The following RHCE variants were observed in gnomAD, a reference collection of about 807,000 sequenced individuals.
RHCE encodes the protein blood group Rh(CE) polypeptide.
RHCE carries 22 observed loss-of-function variants against 43.8 expected under a neutral mutation model. The ratio of observed to expected loss-of-function variants is 0.50; its 90% confidence interval spans 0.36 to 0.72. The LOEUF is 0.72. Ranked by LOEUF, RHCE falls within the 30% of genes least tolerant of loss-of-function variation. RHCE has a pLI of 0.00. For missense variants in RHCE, 385 were observed against 525.4 expected, an observed-to-expected ratio of 0.73 and a Z score of 2.61; for synonymous variants, 156 against 210.7, an observed-to-expected ratio of 0.74 and a Z score of 2.25.
chr1:25,400,141 A>G (rs1646686792), intron 3 of RHCE, among the ~76,000 whole-genome samples: 1 of 152,054 alleles, frequency 6.6e-6, no homozygotes, highest in Admixed American at 6.6e-5. Flanking sequence ...TTTCCTCTCT[A>G]TCGGATTATT....
At chr1:25,377,872 T>C (rs561331160) in intron 7 of RHCE, among the ~76,000 whole-genome samples, 1 of 152,288 alleles carries the variant, frequency 6.6e-6, no homozygotes, top group Non-Finnish European at 1.5e-5. Context: ...GCCACTGCAT[T>C]CCAGCCTGGG....
At chr1:25,427,757 T>C (rs1412604454) in intron 2 of RHCE, among the ~76,000 whole-genome samples, 1 of 152,260 alleles carries the variant, frequency 6.6e-6, no homozygotes, top group African/African-American at 2.4e-5. Context: ...TTGAGCTAGA[T>C]TGCTCTACCA....
upstream of RHCE, among the ~76,000 whole-genome samples, chr1:25,423,389 G>T (rs1275202922): frequency 6.6e-6 from 1 of 152,156 alleles, no homozygotes; most frequent in African/African-American, 2.4e-5. Context: ...AGATTTCCAG[G>T]CAATGCCAAC....
At chr1:25,412,270 C>T (rs1021034585) in intron 1 of RHCE, among the ~76,000 whole-genome samples, 1 of 152,212 alleles carries the variant, frequency 6.6e-6, no homozygotes, top group Admixed American at 6.5e-5. Flanking sequence ...CCATTACCCT[C>T]TTTAGGCCTC....
intron 1 of RHCE, among the ~76,000 whole-genome samples, 190 bp from the exon 2 acceptor site, chr1:25,409,059 C>T (rs1646997347): frequency 8.1e-6 from 1 of 123,194 alleles, no homozygotes; most frequent in African/African-American, 2.5e-5. Context: ...CATAACATGC[C>T]GTGTGGGGAT....
chr1:25,367,907 T>G (rs1645474887), intron 9 of RHCE, among the ~76,000 whole-genome samples: 1 of 150,112 alleles, frequency 6.7e-6, no homozygotes, highest in East Asian at 2.0e-4. Context: ...CTGGGGAGGT[T>G]GAGGCTACAG....
In RHCE at chr1:25,390,806, A is replaced by G. The variant is rs149352457; in HGVS notation, c.744T>C (p.Ser248=). 3.5e-4 allele frequency: 573 copies of G among 1,614,214 alleles called. 1 individual carries two copies. The highest frequency in any genetic ancestry group is 2.0e-3 in the Middle Eastern group (12 of 6,062). The change falls in exon 5 of 10, where the codon AGT becomes AGC. Residue 248 remains serine, a synonymous_variant. Coordinates refer to ENST00000294413, the MANE Select transcript of RHCE (RefSeq NM_020485.8). ...MFNTYYALAV[S]VVTAISGSSL... is the part of the protein sequence containing the mutation. ...ATGACCCTGAGATGGCTGTCACCAC[A>G]CTGACTGCTAGAGCATAGTAGGTGT...
intron 2 of RHCE, among the ~76,000 whole-genome samples, chr1:25,403,212 G>A (rs1162403082): frequency 1.3e-5 from 2 of 152,118 alleles, no homozygotes; most frequent in Non-Finnish European, 2.9e-5. Context: ...CTCCCTCTCC[G>A]TGGCAGTGGA....
intron 6 of RHCE, among the ~76,000 whole-genome samples, chr1:25,387,705 C>T (rs1028795715): frequency 2.0e-5 from 3 of 152,198 alleles, no homozygotes; most frequent in Non-Finnish European, 2.9e-5. Flanking sequence ...AGTATTGATA[C>T]GTTTTTCCTT....
chr1:25,402,698 A>G lies in RHCE; in HGVS notation c.384T>C (p.Gly128=). The change falls in exon 3 of 10, where the codon GGT becomes GGC. Residue 128 remains glycine, a synonymous_variant. Transcript: ENST00000294413. ...MSAMSVLISA[G]AVLGKVNLAQ... is the part of the protein sequence containing the mutation. ...CCAAGTTGACCTTCCCCAAGACAGC[A>G]CCCGCTGAGATCAGCACCGACATAG... 6.2e-7 allele frequency: 1 copy of G among 1,614,064 alleles called. No individual in the cohort carries two copies. The highest frequency in any genetic ancestry group is 8.5e-7 in the Non-Finnish European group (1 of 1,180,018).
intron 7 of RHCE, among the ~76,000 whole-genome samples, chr1:25,381,689 C>G (rs1197895367): frequency 1.3e-5 from 2 of 151,636 alleles, no homozygotes; most frequent in Non-Finnish European, 2.9e-5. Context: ...AACTCCTGAC[C>G]TCAGGTGATC....
At chr1:25,397,142 C>T (rs1432846630) in intron 3 of RHCE, among the ~76,000 whole-genome samples, 1 of 135,034 alleles carries the variant, frequency 7.4e-6, no homozygotes, top group South Asian at 2.3e-4. Flanking sequence ...AAGAAATGTA[C>T]ACTGAAGTAT....
At position 25,416,254 on chromosome 1, in the gene RHCE, T is replaced by C. The variant is rs541468366; in HGVS notation, c.148+4385A>G. ...CAACTAATGGCAGGGTTTTATGTTT[T>C]ATTTATTTTTATTTTCATTTTTTTT... On this transcript the variant is annotated intron_variant, in intron 1 of 9. Coordinates refer to ENST00000294413, the MANE Select transcript of RHCE (RefSeq NM_020485.8). Among the ~76,000 whole-genome samples the C allele has an allele frequency of 2.2e-4, 33 of 152,192 alleles. 1 individual carries two copies. The South Asian group carries it at 6.4e-3, about 30-fold the overall frequency.
At chr1:25,404,357 G>A (rs1646850698) in intron 2 of RHCE, among the ~76,000 whole-genome samples, 1 of 144,252 alleles carries the variant, frequency 6.9e-6, no homozygotes, top group Admixed American at 6.9e-5. Context: ...CTGAAGTCTG[G>A]ACTCAGCTTC....
At chr1:25,386,467 G>A (rs1646164809) in intron 6 of RHCE, among the ~76,000 whole-genome samples, 1 of 152,176 alleles carries the variant, frequency 6.6e-6, no homozygotes, top group African/African-American at 2.4e-5. Context: ...CAGCAGATGT[G>A]GACACATATG....
At chr1:25,371,872 A>G (rs1011581960) in intron 8 of RHCE, among the ~76,000 whole-genome samples, 5 of 151,424 alleles carry the variant, frequency 3.3e-5, no homozygotes, top group Non-Finnish European at 7.4e-5. Flanking sequence ...GTGAGTGCTT[A>G]GTGAGATTCG....
chr1:25,422,177 C>A (rs1169331737), upstream of RHCE, among the ~76,000 whole-genome samples: 1 of 152,144 alleles, frequency 6.6e-6, no homozygotes, highest in African/African-American at 2.4e-5. Flanking sequence ...GCTTTATTTA[C>A]AGAAGGAAAA....
rs1490570383 is a variant in RHCE at position 25,385,730 on chromosome 1, C to T, written c.1054G>A (p.Val352Ile). 1.2e-6 allele frequency: 2 copies of T among 1,613,952 alleles called. No individual in the cohort carries two copies. The highest frequency in any genetic ancestry group is 2.2e-5 in the South Asian group (2 of 91,082). Residue 352 changes from valine to isoleucine, a missense_variant, in exon 7 of 10, where the codon GTC (valine) becomes ATC (isoleucine). Val to Ile is a conservative substitution (Grantham distance 29). Coordinates refer to ENST00000294413, the MANE Select transcript of RHCE (RefSeq NM_020485.8). ...TYIVLLVLHT[V>I]WNGNGMIGFQ... ...ACCCACATGCCATTGCCGTTCCAGA[C>T]AGTATGAAGCACCAGCAGCACAATG...
At chr1:25,415,984 T>C (rs905978827) in intron 1 of RHCE, among the ~76,000 whole-genome samples, 147 of 151,904 alleles carry the variant, frequency 9.7e-4, no homozygotes, top group Non-Finnish European at 1.9e-3. Flanking sequence ...TTCCAGGAGA[T>C]GCTGAGGCAG....
Sources: gnomAD v4.1 joint callset for allele counts (sites outside exome capture counted in the v4.1 genomes callset) on GRCh38, gnomAD v4.1.1 for gene constraint, MANE v1.5 for transcripts, NCBI Gene and HGNC (gene_info 2026-07-23, HGNC 2026-07-21) for gene names.